The following NAALADL2 variants were observed in gnomAD, a reference collection of about 807,000 sequenced individuals.
The protein encoded by NAALADL2 is N-acetylated alpha-linked acidic dipeptidase like 2, also known as inactive N-acetylated-alpha-linked acidic dipeptidase-like protein 2.
In NAALADL2, 76 loss-of-function variants were observed where a neutral mutation model predicts 87.2. The ratio of observed to expected loss-of-function variants is 0.87; its 90% CI spans 0.72 to 1.05. The LOEUF (loss-of-function observed/expected upper bound fraction) is 1.05, where lower values mean the gene tolerates loss of function less well. NAALADL2 is among the 50% of genes least tolerant of loss of function. The pLI is 0.00. For synonymous variants in NAALADL2, 354 were observed against 331.0 expected (o/e 1.07, Z -0.75); for missense variants, 1,089 against 945.8 (o/e 1.15, Z -1.99).
intron 9 of NAALADL2, among the ~76,000 whole-genome samples, chr3:175,533,862 C>T (rs1001642487): frequency 9.2e-5 from 14 of 152,172 alleles, no homozygotes; most frequent in African/African-American, 3.1e-4. Context: ...GTTAGAATTC[C>T]TGAGTTCATC....
rs10663395 is a variant in NAALADL2, at chr3:174,723,755, CAAAAAAAAAAAA to C, written c.-114-13869_-114-13858del. 6.2e-4 allele frequency among the ~76,000 whole-genome samples: 17 copies of C among 27,552 alleles called. No individual in the cohort carries two copies. The South Asian group carries it at 0.024, about 40-fold the overall frequency. The allele number at this position is 27,552 out of a possible 152,430, so 18.1% of individuals were successfully genotyped here. A position where few individuals can be genotyped will look rare whatever the true frequency, so the allele number is the denominator to read the frequency against. On this transcript the variant is annotated intron_variant, in intron 2 of 3. Transcript: ENST00000434257. ...TGGGTGACAGAGCAAGACTCCGTCTCAAAAAAAAAAAAAAAAAAAAAAAAAAAAGCCTAGATA... is the reference window on the plus strand; with the variant it reads ...TGGGTGACAGAGCAAGACTCCGTCTCAAAAAAAAAAAAAAAAGCCTAGATA...
chr3:175,275,383 C>G (rs1753437331), intron 4 of NAALADL2, among the ~76,000 whole-genome samples: 1 of 151,986 alleles, frequency 6.6e-6, no homozygotes, highest in Non-Finnish European at 1.5e-5. Context: ...AAAAATTAAT[C>G]AAGACTTTTT....
At chr3:174,967,028 A>T (rs528067170) in intron 1 of NAALADL2, among the ~76,000 whole-genome samples, 2 of 152,326 alleles carry the variant, frequency 1.3e-5, no homozygotes, top group South Asian at 4.1e-4. Context: ...CTAGGATAAG[A>T]TAGACAATAG....
intron 2 of NAALADL2, chr3:174,551,223 A>G (rs1418053647): frequency 6.6e-6 from 1 of 152,144 alleles, no homozygotes; most frequent in Non-Finnish European, 1.5e-5. Flanking sequence ...GTTTAAATGC[A>G]AATAAGTTCA....
rs369101145 is a variant in NAALADL2 at position 175,004,095 on chromosome 3, GC to G, written c.44-92693del. On this transcript the variant is annotated intron_variant, in intron 1 of 13. Coordinates refer to ENST00000454872, the MANE Select transcript of NAALADL2 (RefSeq NM_207015.3). ...ACCTTTTAATCGAAACATAGCATTG[GC>G]CAGGAATGGTAGCTAATGCCTGTAA... is the stretch of plus-strand genomic sequence containing the variant. Among the ~76,000 whole-genome samples the G allele has an allele frequency of 6.6e-4, 100 of 152,196 alleles. 1 individual carries two copies. Among genetic ancestry groups the G allele is most frequent in the African/African-American group, 2.3e-3 (94 of 41,530 alleles).
chr3:175,326,238 A>T (rs1371613706), intron 5 of NAALADL2, among the ~76,000 whole-genome samples: 2 of 152,186 alleles, frequency 1.3e-5, no homozygotes, highest in African/African-American at 4.8e-5. Context: ...TTCAGTTTTC[A>T]GTACATTGTT....
chr3:174,733,937 G>GGT (rs1351602119), intron 2 of NAALADL2, among the ~76,000 whole-genome samples: 1 of 152,074 alleles, frequency 6.6e-6, no homozygotes, highest in African/African-American at 2.4e-5. Flanking sequence ...TGAGAGGCCT[G>GGT]GTGGGGGGTC....
At chr3:175,536,825 CA>C (rs1052321293) in intron 9 of NAALADL2, among the ~76,000 whole-genome samples, 1 of 151,936 alleles carries the variant, frequency 6.6e-6, no homozygotes. Flanking sequence ...ACTAAAAATA[CA>C]AAAAAATTAG....
At chr3:174,889,598 G>T (rs1240484413) in intron 1 of NAALADL2, among the ~76,000 whole-genome samples, 1 of 151,776 alleles carries the variant, frequency 6.6e-6, no homozygotes, top group African/African-American at 2.4e-5. Flanking sequence ...ATTTAACATT[G>T]AGAGCCAGAT....
intron 3 of NAALADL2, among the ~76,000 whole-genome samples, chr3:174,768,445 T>C (rs1287954819): frequency 6.6e-6 from 1 of 152,154 alleles, no homozygotes; most frequent in Non-Finnish European, 1.5e-5. Context: ...ATTTATAAAG[T>C]AGAAATTTTA....
At chr3:175,283,801 GA>G (rs112157848) in intron 4 of NAALADL2, among the ~76,000 whole-genome samples, 26,002 of 151,928 alleles carry the variant, frequency 0.17, 2,821 homozygotes, top group Middle Eastern at 0.25. Context: ...CCACCACATT[GA>G]AAATAGTTCT....
At chr3:175,069,777 G>T (rs1214266921) in intron 1 of NAALADL2, among the ~76,000 whole-genome samples, 2 of 151,562 alleles carry the variant, frequency 1.3e-5, no homozygotes, top group African/African-American at 4.9e-5. Context: ...GTCCAACAAT[G>T]ATAGACTGGA....
intron 9 of NAALADL2, among the ~76,000 whole-genome samples, chr3:175,510,377 T>C (rs929811940): frequency 6.6e-6 from 1 of 152,058 alleles, no homozygotes; most frequent in Non-Finnish European, 1.5e-5. Flanking sequence ...GAATAAAAAT[T>C]GGAGGTCCCT....
chr3:175,085,691 T>A (rs9839017), intron 1 of NAALADL2, among the ~76,000 whole-genome samples: 1 of 151,942 alleles, frequency 6.6e-6, no homozygotes, highest in South Asian at 2.1e-4. Flanking sequence ...TTGGGAGGCC[T>A]AGCAGATCAT....
intron 1 of NAALADL2, among the ~76,000 whole-genome samples, chr3:174,460,561 T>C (rs1716151864): frequency 6.6e-6 from 1 of 152,062 alleles, no homozygotes; most frequent in African/African-American, 2.4e-5. Context: ...AGCAGCAATG[T>C]TAAGTCTTGG....
intron 5 of NAALADL2, among the ~76,000 whole-genome samples, chr3:175,329,680 G>A (rs1353123883): frequency 6.6e-6 from 1 of 152,088 alleles, no homozygotes; most frequent in African/African-American, 2.4e-5. Flanking sequence ...GTGTCTGGTG[G>A]TTCTTATATG....
intron 13 of NAALADL2, among the ~76,000 whole-genome samples, chr3:175,784,561 A>AT (rs1448402076): frequency 2.1e-5 from 3 of 140,558 alleles, no homozygotes; most frequent in Admixed American, 6.9e-5. Flanking sequence ...CCCCTTTATC[A>AT]TTTTTTATTG....
intron 2 of NAALADL2, among the ~76,000 whole-genome samples, chr3:174,642,440 G>A (rs1053601305): frequency 3.3e-5 from 5 of 150,532 alleles, no homozygotes; most frequent in African/African-American, 9.8e-5. Context: ...GGCGCAGGTT[G>A]TGGTTAGCTG....
intron 11 of NAALADL2, among the ~76,000 whole-genome samples, chr3:175,720,574 A>G (rs1311848465): frequency 6.6e-6 from 1 of 151,456 alleles, no homozygotes; most frequent in Non-Finnish European, 1.5e-5. Context: ...ATAATTTTCC[A>G]ATATTCATTA....
Sources: gnomAD v4.1 joint callset for allele counts (sites outside exome capture counted in the v4.1 genomes callset) on GRCh38, gnomAD v4.1.1 for gene constraint, MANE v1.5 for transcripts, NCBI Gene and HGNC (gene_info 2026-07-23, HGNC 2026-07-21) for gene names.